Variants in RFWD3 observed in about 807,000 individuals in gnomAD.
RFWD3 encodes the protein E3 ubiquitin-protein ligase RFWD3.
In RFWD3, 65 loss-of-function variants were observed where a neutral mutation model predicts 87.7. The observed-to-expected ratio is 0.74, with a 90% confidence interval of 0.61 to 0.91. RFWD3 has a LOEUF of 0.91. RFWD3 is among the 40% of genes least tolerant of loss of function. RFWD3 has a pLI of 0.00. For synonymous variants in RFWD3, 433 were observed against 352.8 expected (o/e 1.23, Z -2.55); for missense variants, 1,078 against 938.5 (o/e 1.15, Z -1.94).
chr16:74,664,926 CA>C (rs1961758162), intron 1 of RFWD3, among the ~76,000 whole-genome samples: 1 of 152,136 alleles, frequency 6.6e-6, no homozygotes, highest in Non-Finnish European at 1.5e-5. Context: ...GCTTCCTAAC[CA>C]CTGTAGGCCA....
In RFWD3 at chr16:74,651,906, G is replaced by A. The variant is rs149070662; in HGVS notation, c.721+14C>T. 5,737 of 1,612,736 alleles carry A rather than the reference G, an allele frequency of 3.6e-3. 12 individuals are homozygous for A. The highest frequency in any genetic ancestry group is 4.2e-3 in the Non-Finnish European group (4,949 of 1,179,180). On this transcript the variant is annotated intron_variant, in intron 3 of 12. Transcript: ENST00000361070. ...TGTTAGCCTTGTGAGTCCAAACCTG[G>A]GTAAAATACTGACCTTCTAAAATGA...
intron 2 of RFWD3, among the ~76,000 whole-genome samples, chr16:74,657,411 C>A (rs1356897642): frequency 1.3e-5 from 2 of 151,942 alleles, no homozygotes; most frequent in Non-Finnish European, 2.9e-5. Context: ...TTCACTACTT[C>A]CATGGAGATA....
rs574152588 is a variant in RFWD3 at position 74,622,970 on chromosome 16, T to C, written c.*958A>G. ...CAAAATGGGAGACAAGTTCTTCTCATGTTTTCAATAGCAGTCTGAATAGCT... is the reference window on the plus strand; with the variant it reads ...CAAAATGGGAGACAAGTTCTTCTCACGTTTTCAATAGCAGTCTGAATAGCT... On this transcript the variant is annotated 3_prime_UTR_variant, in exon 13 of 13. Coordinates refer to ENST00000361070, the MANE Select transcript of RFWD3 (RefSeq NM_018124.4). The C allele has an allele frequency of 3.9e-5, 6 of 152,348 alleles. No homozygotes were observed. The South Asian group carries it at 6.2e-4, about 16-fold the overall frequency. The allele number at this position is 152,348 out of a possible 1,614,324, so 9.4% of individuals were successfully genotyped here.
intron 1 of RFWD3, among the ~76,000 whole-genome samples, chr16:74,662,412 G>C (rs991841717): frequency 2.0e-5 from 3 of 152,126 alleles, no homozygotes; most frequent in Non-Finnish European, 2.9e-5. Context: ...AGACACCCTA[G>C]AGGCAAAAAC....
At chr16:74,638,078 A>G in intron 6 of RFWD3, 108 bp from the exon 7 acceptor site, 1 of 644,750 alleles carries the variant, frequency 1.6e-6, no homozygotes, top group Non-Finnish European at 2.8e-6. Flanking sequence ...TTTGCTGTAA[A>G]TATGTTATGA....
At chr16:74,634,873 G>A (rs1028348584) in intron 8 of RFWD3, among the ~76,000 whole-genome samples, 1 of 152,074 alleles carries the variant, frequency 6.6e-6, no homozygotes, top group African/African-American at 2.4e-5. Flanking sequence ...CAGGCATGGT[G>A]GCTCATGCCT....
chr16:74,624,185 C>T, intron 12 of RFWD3, 114 bp from the exon 13 acceptor site: 4 of 1,264,426 alleles, frequency 3.2e-6, no homozygotes, highest in Non-Finnish European at 4.3e-6. Context: ...ACCTGGAGAG[C>T]AAAGCAGGCT....
In RFWD3 at chr16:74,625,413, C is replaced by CT. The variant is rs1567564109; in HGVS notation, c.2181+929dup. On this transcript the variant is annotated intron_variant, in intron 12 of 12. Coordinates refer to ENST00000361070, the MANE Select transcript of RFWD3 (RefSeq NM_018124.4). ...GGTGTGCACCCAGCTACTTGGGAAG[C>CT]TGAGGCACAAGAATTGCTTGAACCT... Among the ~76,000 whole-genome samples, 3 of 150,962 alleles carry CT rather than the reference C, an allele frequency of 2.0e-5. No individual in the cohort carries two copies. The South Asian group carries it at 6.3e-4, about 32-fold the overall frequency.
chr16:74,661,564 G>A (rs1343414468), intron 1 of RFWD3, 113 bp from the exon 2 acceptor site: 3 of 1,012,704 alleles, frequency 3.0e-6, no homozygotes, highest in Non-Finnish European at 4.3e-6. Flanking sequence ...TTCTTAGCAA[G>A]ACTGAGAAGC....
At chr16:74,665,891 T>C (rs868746538) in intron 1 of RFWD3, among the ~76,000 whole-genome samples, 8 of 151,706 alleles carry the variant, frequency 5.3e-5, no homozygotes, top group Admixed American at 2.6e-4. Context: ...GGAAATGGGG[T>C]TTCTCCATGT....
At chr16:74,627,173 A>C (rs556062270) in intron 11 of RFWD3, among the ~76,000 whole-genome samples, 1 of 152,228 alleles carries the variant, frequency 6.6e-6, no homozygotes, top group East Asian at 1.9e-4. Flanking sequence ...ACTTAAAAAC[A>C]TGAGTAGACC....
chr16:74,663,486 T>C (rs1597463552), intron 1 of RFWD3, among the ~76,000 whole-genome samples: 2 of 152,176 alleles, frequency 1.3e-5, no homozygotes, highest in East Asian at 3.9e-4. Flanking sequence ...AAAAAAGCAG[T>C]TTCCCTGAAG....
rs936975219 is a variant in RFWD3, at chr16:74,622,737, G to A, written c.*1191C>T. On this transcript the variant is annotated 3_prime_UTR_variant, in exon 13 of 13. Coordinates refer to ENST00000361070, the MANE Select transcript of RFWD3 (RefSeq NM_018124.4). The stretch of plus-strand genomic sequence containing the variant: ...CCCACATCTTGAAGCATATTCTGTT[G>A]TGGAAGTGGGTTGGCAAAGTAGTCT... 6.6e-6 allele frequency: 1 copy of A among 152,186 alleles called. No individual in the cohort carries two copies. The highest frequency in any genetic ancestry group is 1.5e-5 in the Non-Finnish European group (1 of 68,034). 9.4% of individuals were successfully genotyped at this position (152,186 alleles called of 1,614,324 possible).
chr16:74,645,351 T>C (rs1453767744), intron 4 of RFWD3, among the ~76,000 whole-genome samples: 2 of 152,224 alleles, frequency 1.3e-5, no homozygotes, highest in African/African-American at 4.8e-5. Context: ...AGATACCTCA[T>C]GGATATATAG....
Position 74,630,943 on chromosome 16 carries a change from G to A in RFWD3, c.1592C>T (p.Thr531Ile). ...TCCAGCATTATAAGTCTGGACCACG[G>A]TATTTGTCTCCAGGCTGTGGAGTTA... ...TIKLTSLETN[T>I]VVQTYNAGRP... Residue 531 changes from threonine (T) to isoleucine (I), a missense_variant, in exon 10 of 13, where the codon ACC (threonine) becomes ATC (isoleucine). Transcript: ENST00000361070. 6.2e-7 allele frequency: 1 copy of A among 1,608,504 alleles called. No individual in the cohort carries two copies. Among genetic ancestry groups the A allele is most frequent in the South Asian group, 1.1e-5 (1 of 89,622 alleles).
intron 2 of RFWD3, among the ~76,000 whole-genome samples, chr16:74,654,896 CTTTAA>C (rs1419454351): frequency 2.0e-5 from 3 of 152,178 alleles, no homozygotes; most frequent in African/African-American, 7.2e-5. Flanking sequence ...CCCCAACTCT[CTTTAA>C]TTCTGTGAAA....
At chr16:74,664,012 T>C (rs1229343535) in intron 1 of RFWD3, among the ~76,000 whole-genome samples, 2 of 152,166 alleles carry the variant, frequency 1.3e-5, no homozygotes, top group African/African-American at 2.4e-5. Flanking sequence ...ACGAGAAAAC[T>C]GGAGGTTTGA....
At chr16:74,633,279 G>GAAAAAAAAAA (rs59964330) in intron 8 of RFWD3, among the ~76,000 whole-genome samples, 2 of 110,954 alleles carry the variant, frequency 1.8e-5, no homozygotes, top group Non-Finnish European at 3.7e-5. Context: ...CTCCGTCTCA[G>GAAAAAAAAAA]AAAAAAAAAA....
chr16:74,655,968 T>C (rs915187896), intron 2 of RFWD3, among the ~76,000 whole-genome samples: 1 of 152,192 alleles, frequency 6.6e-6, no homozygotes, highest in African/African-American at 2.4e-5. Flanking sequence ...TCATTGACAA[T>C]GCACCCAGTA....
Sources: gnomAD v4.1 joint callset for allele counts (sites outside exome capture counted in the v4.1 genomes callset) on GRCh38, gnomAD v4.1.1 for gene constraint, MANE v1.5 for transcripts, NCBI Gene and HGNC (gene_info 2026-07-23, HGNC 2026-07-21) for gene names.